The following CADM1 variants were observed in gnomAD, a reference collection of about 807,000 sequenced individuals.
CADM1 encodes cell adhesion molecule 1, also known as TSLC-1.
Under a neutral mutation model 53.1 loss-of-function variants are expected in CADM1, and 15 were observed. The observed-to-expected ratio is 0.28, with a 90% CI of 0.19 to 0.44. The LOEUF (loss-of-function observed/expected upper bound fraction) is 0.44. Ranked by LOEUF, CADM1 falls within the 20% of genes least tolerant of loss-of-function variation. The pLI, the probability that CADM1 is intolerant of heterozygous loss-of-function variation, is 1.00. For synonymous variants in CADM1, 281 were observed against 243.0 expected, an observed-to-expected ratio of 1.16 and a Z score of -1.45; for missense variants, 434 against 611.3, an observed-to-expected ratio of 0.71 and a Z score of 3.06.
At position 115,423,241 on chromosome 11, in the gene CADM1, C is replaced by G. The variant is rs1358707405; in HGVS notation, c.124+81030G>C. Among the ~76,000 whole-genome samples the G allele has an allele frequency of 3.9e-5, 6 of 152,188 alleles. No individual in the cohort carries two copies. In the East Asian group the frequency reaches 1.2e-3, roughly 29 times the overall value. On this transcript the variant is annotated intron_variant, in intron 1 of 11. Coordinates refer to ENST00000331581, the MANE Select transcript of CADM1 (RefSeq NM_001301043.2). Reference sequence around the variant, plus strand: ...GTGACAAAATCACAGAACATGCATACATGATGTGACCGTATTTACAAACCA... The same window carrying G: ...GTGACAAAATCACAGAACATGCATAGATGATGTGACCGTATTTACAAACCA...
intron 5 of CADM1, among the ~76,000 whole-genome samples, chr11:115,218,815 C>G (rs1277590203): frequency 2.6e-5 from 4 of 152,134 alleles, no homozygotes; most frequent in Non-Finnish European, 5.9e-5. Context: ...CTCATTTCCA[C>G]CAGCTACTTA....
chr11:115,503,742 A>C (rs971071114), intron 1 of CADM1, among the ~76,000 whole-genome samples: 2 of 151,796 alleles, frequency 1.3e-5, no homozygotes, highest in Non-Finnish European at 2.9e-5. Context: ...GAGATCAGAC[A>C]AGTCTGGGGA....
chr11:115,258,464 G>A (rs1942863613), intron 1 of CADM1, among the ~76,000 whole-genome samples: 1 of 152,214 alleles, frequency 6.6e-6, no homozygotes, highest in Non-Finnish European at 1.5e-5. Context: ...TGAAAGGCCT[G>A]TGAACAGGTC....
intron 1 of CADM1, among the ~76,000 whole-genome samples, chr11:115,281,724 A>C (rs935440118): frequency 2.0e-5 from 3 of 152,254 alleles, no homozygotes; most frequent in African/African-American, 7.2e-5. Flanking sequence ...AAGTGGAAAT[A>C]CATGAGCTGT....
intron 1 of CADM1, among the ~76,000 whole-genome samples, chr11:115,349,724 A>G (rs1945676339): frequency 6.6e-6 from 1 of 152,214 alleles, no homozygotes; most frequent in Non-Finnish European, 1.5e-5. Context: ...AAAGCTGTTC[A>G]AGGGCTTGAC....
At chr11:115,449,580 G>A (rs1296237724) in intron 1 of CADM1, among the ~76,000 whole-genome samples, 1 of 152,120 alleles carries the variant, frequency 6.6e-6, no homozygotes, top group Non-Finnish European at 1.5e-5. Context: ...AACTCAGATG[G>A]AGAAAATTCA....
chr11:115,491,441 T>C (rs1949494861), intron 1 of CADM1, among the ~76,000 whole-genome samples: 1 of 151,958 alleles, frequency 6.6e-6, no homozygotes, highest in African/African-American at 2.4e-5. Context: ...GGTGGGTGCC[T>C]GCAGTCCCAC....
intron 1 of CADM1, among the ~76,000 whole-genome samples, chr11:115,493,236 G>A (rs576259781): frequency 6.0e-5 from 9 of 149,342 alleles, no homozygotes; most frequent in African/African-American, 1.7e-4. Context: ...GGCCAAATCC[G>A]ATGGTAATGA....
intron 1 of CADM1, among the ~76,000 whole-genome samples, chr11:115,254,170 G>A (rs1435826250): frequency 1.3e-5 from 2 of 152,064 alleles, no homozygotes; most frequent in Admixed American, 6.6e-5. Context: ...TTTGTATCTC[G>A]AAAGCATAAT....
At chr11:115,206,758 CTTTT>C (rs56270694) in intron 8 of CADM1, among the ~76,000 whole-genome samples, 24 of 38,220 alleles carry the variant, frequency 6.3e-4, no homozygotes, top group South Asian at 5.1e-3. Context: ...CTGTGGACTT[CTTTT>C]TTTTTTTTTT....
chr11:115,238,458 T>G (rs1441199898), intron 3 of CADM1, 42 bp downstream of exon 3: 3 of 1,605,692 alleles, frequency 1.9e-6, no homozygotes, highest in Non-Finnish European at 2.6e-6. Context: ...AAGGGCCATC[T>G]CTATTCCATT....
intron 1 of CADM1, among the ~76,000 whole-genome samples, chr11:115,285,756 G>A (rs1459160007): frequency 6.6e-6 from 1 of 152,146 alleles, no homozygotes; most frequent in East Asian, 1.9e-4. Flanking sequence ...TACACCTGGA[G>A]CTTCTGAGCT....
At chr11:115,481,939 C>T (rs1387687736) in intron 1 of CADM1, among the ~76,000 whole-genome samples, 1 of 152,186 alleles carries the variant, frequency 6.6e-6, no homozygotes, top group African/African-American at 2.4e-5. Context: ...CTCATTGACA[C>T]TCTCCATGGA....
chr11:115,446,419 A>G (rs1375462802), intron 1 of CADM1, among the ~76,000 whole-genome samples: 1 of 152,220 alleles, frequency 6.6e-6, no homozygotes. Context: ...ACTACTTGCC[A>G]GGGACAGGAT....
rs1271134329 is a variant in CADM1, at chr11:115,175,954, TCTC to T, written c.*517_*519del. On this transcript the variant is annotated 3_prime_UTR_variant, in exon 12 of 12. Coordinates refer to ENST00000331581, the MANE Select transcript of CADM1 (RefSeq NM_001301043.2). The stretch of plus-strand genomic sequence containing the variant: ...ACTATGAAATCTAAGCTGTGCTGGT[TCTC>T]CTTTTATGAAACTGAATTTGGAACA... 8.7e-6 allele frequency: 9 copies of T among 1,032,206 alleles called. No homozygotes were observed. Among genetic ancestry groups the T allele is most frequent in the Non-Finnish European group, 1.0e-5 (9 of 859,148 alleles). The allele number at this position is 1,032,206 out of a possible 1,614,324, so 63.9% of individuals were successfully genotyped here.
intron 1 of CADM1, among the ~76,000 whole-genome samples, chr11:115,430,489 CAA>C (rs1948017906): frequency 6.6e-6 from 1 of 152,160 alleles, no homozygotes; most frequent in African/African-American, 2.4e-5. Flanking sequence ...AACATCAAAG[CAA>C]AAGAGTCCTG....
chr11:115,316,089 G>A (rs560662953), intron 1 of CADM1, among the ~76,000 whole-genome samples: 3 of 152,270 alleles, frequency 2.0e-5, no homozygotes, highest in South Asian at 4.1e-4. Context: ...ACATGCCTGA[G>A]AATAATGCCC....
intron 1 of CADM1, among the ~76,000 whole-genome samples, chr11:115,425,034 A>C (rs899339709): frequency 2.0e-5 from 3 of 152,200 alleles, no homozygotes; most frequent in Non-Finnish European, 4.4e-5. Context: ...AAACTTAAGA[A>C]GACTGTGGTT....
chr11:115,252,985 G>A (rs559701312), intron 1 of CADM1, among the ~76,000 whole-genome samples: 68 of 152,248 alleles, frequency 4.5e-4, no homozygotes, highest in South Asian at 4.1e-3. Flanking sequence ...CCTCTAAGCC[G>A]GGGGTGTCCA....
Sources: allele counts gnomAD v4.1 joint callset (sites outside exome capture counted in the v4.1 genomes callset), GRCh38; gene constraint gnomAD v4.1.1; transcripts MANE v1.5; gene names NCBI Gene and HGNC (gene_info 2026-07-23, HGNC 2026-07-21).